Variants in NBN observed in about 807,000 individuals in gnomAD.
The protein encoded by NBN is nibrin.
A neutral mutation model predicts 90.8 loss-of-function variants in NBN; 88 were observed. The ratio of observed to expected loss-of-function variants is 0.97; its 90% CI spans 0.82 to 1.16. The LOEUF (loss-of-function observed/expected upper bound fraction) is 1.16. Among genes scored for constraint, NBN ranks in the 50% most tolerant of loss-of-function variants. NBN has a pLI of 0.00. For missense variants in NBN, 894 were observed against 869.6 expected, an observed-to-expected ratio of 1.03 and a Z score of -0.35; for synonymous variants, 328 against 295.1, an observed-to-expected ratio of 1.11 and a Z score of -1.14.
intron 2 of NBN, among the ~76,000 whole-genome samples, chr8:89,982,248 T>C (rs891059427): frequency 1.3e-5 from 2 of 152,136 alleles, no homozygotes; most frequent in Admixed American, 6.6e-5. Flanking sequence ...CAATTCCCAT[T>C]GCAAAAACTT....
At chr8:89,978,387 T>C in intron 4 of NBN, 64 bp from the exon 5 acceptor site, 1 of 1,409,062 alleles carries the variant, frequency 7.1e-7, no homozygotes, top group Non-Finnish European at 1.0e-6. Context: ...AGAAAAGTTT[T>C]AAGTTATAAA....
intron 10 of NBN, among the ~76,000 whole-genome samples, chr8:89,955,000 G>A (rs954066970): frequency 1.3e-5 from 2 of 152,108 alleles, no homozygotes; most frequent in Admixed American, 6.5e-5. Context: ...AAAACCAGCA[G>A]AAATGTGATT....
rs183354626 is a variant in NBN at position 89,971,034 on chromosome 8, C to A, written c.702+139G>T. On this transcript the variant is annotated intron_variant, in intron 6 of 15. Transcript: ENST00000265433. ...CCATGATCACTGGGCAGGTCTGGTG[C>A]CTGGGGTTTTTTTATTCTACTTCAC... The A allele has an allele frequency of 1.1e-3, 976 of 856,134 alleles. 3 individuals are homozygous for A. The highest frequency in any genetic ancestry group is 1.6e-3 in the Non-Finnish European group (885 of 565,088). 53.0% of individuals were successfully genotyped at this position (856,134 alleles called of 1,614,324 possible).
rs13312946 is a variant in NBN, at chr8:89,945,928, A to T, written c.2070+212T>A. 7.0e-3 allele frequency among the ~76,000 whole-genome samples: 1,072 copies of T among 152,276 alleles called. 11 individuals carry two copies. The highest frequency in any genetic ancestry group is 0.025 in the African/African-American group (1,026 of 41,566). On this transcript the variant is annotated intron_variant, in intron 13 of 15. Transcript: ENST00000265433. Reference sequence around the variant, plus strand: ...ACCAGGTAAACAGCAACCTCTAAAGAATTCAATCTTGATGAAATCTATTTC... The same window carrying T: ...ACCAGGTAAACAGCAACCTCTAAAGTATTCAATCTTGATGAAATCTATTTC...
intron 8 of NBN, among the ~76,000 whole-genome samples, chr8:89,963,787 T>C (rs952014853): frequency 8.5e-5 from 13 of 152,234 alleles, no homozygotes; most frequent in African/African-American, 2.4e-4. Context: ...TTCTAAAATA[T>C]ATCCTGAACC....
rs1563538477 is a variant in NBN at position 89,958,729 on chromosome 8, T to C, written c.1120A>G (p.Thr374Ala). The change falls in exon 9 of 16, where the codon ACA becomes GCA. Residue 374 changes from threonine to alanine, a missense_variant. Physicochemically the swap from Thr to Ala is moderately conservative, Grantham distance 58 (BLOSUM62 0). Coordinates refer to ENST00000265433, the MANE Select transcript of NBN (RefSeq NM_002485.5). Reference sequence around the variant, plus strand: ...ACGGTAATGAAGAAGCTTTACCATGTATCTGCTTGCTCTGATTCTGTGTCA... The same window carrying C: ...ACGGTAATGAAGAAGCTTTACCATGCATCTGCTTGCTCTGATTCTGTGTCA... ...VADTESEQADTWDLSERPKEI... is the reference protein window; with the variant it reads ...VADTESEQADAWDLSERPKEI... The C allele has an allele frequency of 6.2e-7, 1 of 1,614,012 alleles. No individual in the cohort carries two copies. Among genetic ancestry groups the C allele is most frequent in the Non-Finnish European group, 8.5e-7 (1 of 1,179,886 alleles).
chr8:89,969,589 G>A (rs916459205), intron 7 of NBN, among the ~76,000 whole-genome samples: 9 of 152,120 alleles, frequency 5.9e-5, no homozygotes, highest in Non-Finnish European at 1.0e-4. Context: ...CATGAATAAA[G>A]ATATTCTATA....
chr8:89,978,130 G>C, intron 5 of NBN, 90 bp downstream of exon 5: 2 of 1,157,864 alleles, frequency 1.7e-6, no homozygotes, highest in Non-Finnish European at 2.6e-6. Context: ...ATTACATCCT[G>C]AAACAAGCAT....
At position 89,953,437 on chromosome 8, in the gene NBN, C is replaced by CT. The variant is rs766044684; in HGVS notation, c.1651dup (p.Arg551LysfsTer5). On this transcript the variant is annotated frameshift_variant, in exon 11 of 16. Transcript: ENST00000265433. LOFTEE classifies it high-confidence loss of function. Reference sequence around the variant, plus strand: ...TTCTATGGCCACATCATCCATTTCCCTTTTTTTATTTGATCTTAGCTTTTC... The same window carrying CT: ...TTCTATGGCCACATCATCCATTTCCCTTTTTTTTATTTGATCTTAGCTTTTC... 2.5e-6 allele frequency: 4 copies of CT among 1,613,758 alleles called. No individual in the cohort carries two copies. The highest frequency in any genetic ancestry group is 3.4e-6 in the Non-Finnish European group (4 of 1,179,828).
At chr8:89,938,486 A>G (rs1417383874) in intron 14 of NBN, among the ~76,000 whole-genome samples, 1 of 152,118 alleles carries the variant, frequency 6.6e-6, no homozygotes. Context: ...GTGTATATAT[A>G]TATATGAAAT....
Position 89,971,157 on chromosome 8 carries a change from C to T in NBN, c.702+16G>A, listed in dbSNP as rs2272581. ...TAATGTATTCTTTAGGAAAATTTAG[C>T]TTATAACATAATTACCTGTTTGGCA... On this transcript the variant is annotated intron_variant, in intron 6 of 15. Transcript: ENST00000265433. 1.2e-6 allele frequency: 2 copies of T among 1,607,574 alleles called. No homozygotes were observed. The highest frequency in any genetic ancestry group is 1.7e-6 in the Non-Finnish European group (2 of 1,175,306).
intron 5 of NBN, among the ~76,000 whole-genome samples, chr8:89,972,982 A>G (rs1448064426): frequency 6.6e-6 from 1 of 152,264 alleles, no homozygotes; most frequent in Non-Finnish European, 1.5e-5. Flanking sequence ...AGTTTACAGT[A>G]GCCAGGGAGC....
At position 89,953,418 on chromosome 8, in the gene NBN, G is replaced by T. The variant is rs1057521670; in HGVS notation, c.1671C>A (p.Ala557=). The T allele has an allele frequency of 6.2e-7, 1 of 1,613,482 alleles. No homozygotes were observed. Among genetic ancestry groups the T allele is most frequent in the Non-Finnish European group, 8.5e-7 (1 of 1,179,822 alleles). The change falls in exon 11 of 16, where the codon GCC becomes GCA. Residue 557 remains alanine, a synonymous_variant. Transcript: ENST00000265433. ...SNKKREMDDV[A]IEDEVLEQLF... ...ACTGTTCCAATACTTCATCTTCTATGGCCACATCATCCATTTCCCTTTTTT... is the reference window on the plus strand; with the variant it reads ...ACTGTTCCAATACTTCATCTTCTATTGCCACATCATCCATTTCCCTTTTTT...
intron 5 of NBN, among the ~76,000 whole-genome samples, chr8:89,975,946 G>C (rs1415775542): frequency 6.6e-6 from 1 of 152,198 alleles, no homozygotes; most frequent in Non-Finnish European, 1.5e-5. Context: ...ATGTGATTCT[G>C]TTAAAATACT....
chr8:89,978,622 C>A (rs1811889401), intron 4 of NBN, among the ~76,000 whole-genome samples: 1 of 152,004 alleles, frequency 6.6e-6, no homozygotes. Flanking sequence ...AAATAAAATT[C>A]AATTTTAAAA....
chr8:89,978,038 A>G (rs1811849275), intron 5 of NBN, among the ~76,000 whole-genome samples, 182 bp downstream of exon 5: 1 of 152,220 alleles, frequency 6.6e-6, no homozygotes. Flanking sequence ...CAGAATAACC[A>G]ACAAAGAAAT....
At chr8:89,970,228 A>G (rs1811439484) in intron 7 of NBN, 136 bp downstream of exon 7, 1 of 702,774 alleles carries the variant, frequency 1.4e-6, no homozygotes, top group African/African-American at 1.8e-5. Context: ...CAGCCTGGGC[A>G]ACAAGAGCAA....
chr8:89,939,546 G>A (rs1205417651), intron 14 of NBN, among the ~76,000 whole-genome samples: 1 of 150,950 alleles, frequency 6.6e-6, no homozygotes, highest in African/African-American at 2.5e-5. Context: ...AATTAATCAA[G>A]GAGAAGAGTT....
chr8:89,955,070 C>T (rs1447125852), intron 10 of NBN, among the ~76,000 whole-genome samples: 9 of 151,922 alleles, frequency 5.9e-5, no homozygotes, highest in African/African-American at 1.9e-4. Context: ...TAAAATAACA[C>T]GTAAGTACAT....
Sources: allele counts gnomAD v4.1 joint callset (sites outside exome capture counted in the v4.1 genomes callset), GRCh38; gene constraint gnomAD v4.1.1; transcripts MANE v1.5; gene names NCBI Gene and HGNC (gene_info 2026-07-23, HGNC 2026-07-21).